VRK2: variants seen among roughly 807,000 people sequenced by gnomAD.
The protein encoded by VRK2 is VRK serine/threonine kinase 2, also known as serine/threonine-protein kinase VRK2.
In VRK2, 60 loss-of-function variants were observed where a neutral mutation model predicts 57.6. The ratio of observed to expected loss-of-function variants is 1.04; its 90% CI spans 0.85 to 1.29. The LOEUF (loss-of-function observed/expected upper bound fraction) is 1.29, where lower values mean the gene tolerates loss of function less well. VRK2 is among the 50% of genes most tolerant of loss of function. The pLI is 0.00. For missense variants in VRK2, 705 were observed against 588.1 expected (o/e 1.20, Z -2.06); for synonymous variants, 231 against 199.2 (o/e 1.16, Z -1.35).
intron 10 of VRK2, among the ~76,000 whole-genome samples, chr2:58,137,156 T>TTATATATATCATATATCATATATATCA (rs1553422293): frequency 0.022 from 546 of 24,304 alleles, 58 homozygotes; most frequent in South Asian, 0.026. Flanking sequence ...TATCATGTGT[T>TTATATATATCATATATCATATATATCA]TATATATATC....
intron 1 of VRK2, among the ~76,000 whole-genome samples, chr2:57,910,060 C>G (rs1261508256): frequency 6.6e-6 from 1 of 151,646 alleles, no homozygotes; most frequent in Non-Finnish European, 1.5e-5. Flanking sequence ...TTGTAATTAG[C>G]CTGATAGGTA....
intron 7 of VRK2, among the ~76,000 whole-genome samples, chr2:58,110,708 G>A (rs1675424089): frequency 6.6e-6 from 1 of 152,188 alleles, no homozygotes; most frequent in South Asian, 2.1e-4. Flanking sequence ...AAGCAGGATT[G>A]AACAGGGAAG....
intron 1 of VRK2, among the ~76,000 whole-genome samples, chr2:57,976,234 C>A (rs753733004): frequency 2.6e-5 from 4 of 152,074 alleles, no homozygotes; most frequent in Non-Finnish European, 5.9e-5. Context: ...AGTGCATGTG[C>A]CTTTTGGTAG....
Position 58,143,984 on chromosome 2 carries a change from C to CACATATATACACAT in VRK2, c.1024-2320_1024-2307dup, listed in dbSNP as rs540435576. ...ATATACATATATATGTATATATGCACACATATATACACATACATATATACA... is the reference window on the plus strand; with the variant it reads ...ATATACATATATATGTATATATGCACACATATATACACATACATATATACACATACATATATACA... On this transcript the variant is annotated intron_variant, in intron 11 of 12. Transcript: ENST00000340157. Among the ~76,000 whole-genome samples, 24 of 150,884 alleles carry CACATATATACACAT rather than the reference C, an allele frequency of 1.6e-4. No homozygotes were observed. The South Asian group carries it at 4.8e-3, about 30-fold the overall frequency.
chr2:58,154,808 T>C (rs1482465918), intron 12 of VRK2: 2 of 717,346 alleles, frequency 2.8e-6, no homozygotes, highest in South Asian at 3.0e-5. Context: ...CTAATGTAAG[T>C]ATTCCATGCT....
intron 11 of VRK2, among the ~76,000 whole-genome samples, chr2:58,140,323 T>A (rs1182284280): frequency 6.6e-6 from 1 of 152,010 alleles, no homozygotes; most frequent in African/African-American, 2.4e-5. Flanking sequence ...AATCATTTTT[T>A]AAAAGTTACA....
chr2:58,128,610 G>T (rs1678713687), intron 8 of VRK2, among the ~76,000 whole-genome samples: 1 of 152,138 alleles, frequency 6.6e-6, no homozygotes, highest in Non-Finnish European at 1.5e-5. Context: ...GGGATTACAG[G>T]TATGAGCCAC....
intron 2 of VRK2, among the ~76,000 whole-genome samples, chr2:58,056,524 T>G (rs1228334907): frequency 6.6e-6 from 1 of 152,152 alleles, no homozygotes; most frequent in Non-Finnish European, 1.5e-5. Context: ...AGGCAATGAA[T>G]TCTCAGCTTT....
intron 1 of VRK2, among the ~76,000 whole-genome samples, chr2:57,979,098 C>T (rs1672338098): frequency 6.6e-6 from 1 of 151,090 alleles, no homozygotes; most frequent in African/African-American, 2.5e-5. Context: ...CATGTCTTTC[C>T]TATTGTAAAT....
chr2:58,054,682 A>C (rs1368412418), intron 2 of VRK2, among the ~76,000 whole-genome samples: 1 of 152,182 alleles, frequency 6.6e-6, no homozygotes, highest in Non-Finnish European at 1.5e-5. Context: ...GAGAGAGCTC[A>C]TTAGAAATTA....
chr2:58,063,022 AGAT>A (rs1327862901), intron 2 of VRK2, among the ~76,000 whole-genome samples: 2 of 152,064 alleles, frequency 1.3e-5, no homozygotes, highest in Non-Finnish European at 2.9e-5. Context: ...GGGCTAGTGC[AGAT>A]GATGACTTTA....
chr2:58,154,222 T>C (rs1050891525), intron 12 of VRK2, among the ~76,000 whole-genome samples: 2 of 152,046 alleles, frequency 1.3e-5, no homozygotes, highest in Non-Finnish European at 2.9e-5. Flanking sequence ...TTATTGGTCA[T>C]GTCTCAGAAC....
chr2:58,064,293 G>T (rs540150591), intron 2 of VRK2, among the ~76,000 whole-genome samples: 144 of 152,180 alleles, frequency 9.5e-4, no homozygotes, highest in Non-Finnish European at 1.7e-3. Flanking sequence ...GAAATCTTTT[G>T]TGAGAGCGAG....
At chr2:58,099,671 C>G (rs1289734544) in intron 7 of VRK2, among the ~76,000 whole-genome samples, 1 of 151,998 alleles carries the variant, frequency 6.6e-6, no homozygotes, top group Non-Finnish European at 1.5e-5. Context: ...GAGAATAATT[C>G]TTCATGTCAA....
chr2:58,151,345 A>G (rs1443830209), intron 12 of VRK2, among the ~76,000 whole-genome samples: 1 of 151,778 alleles, frequency 6.6e-6, no homozygotes, highest in African/African-American at 2.4e-5. Flanking sequence ...CTTTATATCT[A>G]TTAAATACTC....
At chr2:57,958,967 C>T (rs1464455658) in intron 1 of VRK2, among the ~76,000 whole-genome samples, 1 of 152,254 alleles carries the variant, frequency 6.6e-6, no homozygotes, top group East Asian at 1.9e-4. Flanking sequence ...AAAAACCAAT[C>T]TTGCTAATGT....
chr2:58,089,003 T>C (rs888404639), intron 6 of VRK2, among the ~76,000 whole-genome samples: 1 of 152,210 alleles, frequency 6.6e-6, no homozygotes, highest in Non-Finnish European at 1.5e-5. Flanking sequence ...TTTTTTCACT[T>C]TTGAGTAGCA....
chr2:58,004,509 A>C (rs182267786), intron 1 of VRK2, among the ~76,000 whole-genome samples: 45 of 152,302 alleles, frequency 3.0e-4, no homozygotes, highest in Middle Eastern at 3.4e-3. Flanking sequence ...TTCTGAAATA[A>C]TGAGTGATGT....
At chr2:58,110,102 A>C (rs891323788) in intron 7 of VRK2, among the ~76,000 whole-genome samples, 5 of 152,158 alleles carry the variant, frequency 3.3e-5, no homozygotes, top group Non-Finnish European at 5.9e-5. Flanking sequence ...GGCCAGGTGA[A>C]ATATGAAGGT....
Sources: gnomAD v4.1 joint callset for allele counts (sites outside exome capture counted in the v4.1 genomes callset) on GRCh38, gnomAD v4.1.1 for gene constraint, MANE v1.5 for transcripts, NCBI Gene and HGNC (gene_info 2026-07-23, HGNC 2026-07-21) for gene names.